PHF21B: variants seen among roughly 807,000 people sequenced by gnomAD.
PHF21B encodes PHD finger protein 4.
Under a neutral mutation model 62.2 loss-of-function variants are expected in PHF21B, and 22 were observed. The observed-to-expected ratio is 0.35, with a 90% CI of 0.25 to 0.51. PHF21B has a LOEUF of 0.51. Ranked by LOEUF, PHF21B falls within the 20% of genes least tolerant of loss-of-function variation. The pLI is 0.97. For synonymous variants in PHF21B, 341 were observed against 314.7 expected (o/e 1.08, Z -0.88); for missense variants, 701 against 707.9 (o/e 0.99, Z 0.11).
At chr22:44,995,820 C>A (rs937082830) in intron 2 of PHF21B, among the ~76,000 whole-genome samples, 1 of 149,252 alleles carries the variant, frequency 6.7e-6, no homozygotes, top group Non-Finnish European at 1.5e-5. Flanking sequence ...CATCCCCCCA[C>A]GTGATTCGGG....
intron 2 of PHF21B, among the ~76,000 whole-genome samples, chr22:44,972,586 G>A (rs915168873): frequency 3.3e-5 from 5 of 152,216 alleles, no homozygotes; most frequent in South Asian, 4.1e-4. Context: ...CACACTGCAC[G>A]CCCTGACATG....
At chr22:44,981,254 G>C (rs886795922) in intron 2 of PHF21B, among the ~76,000 whole-genome samples, 1 of 152,178 alleles carries the variant, frequency 6.6e-6, no homozygotes, top group Non-Finnish European at 1.5e-5. Context: ...TGCCCTAACT[G>C]AGCGGCATGA....
intron 2 of PHF21B, among the ~76,000 whole-genome samples, chr22:44,987,191 T>C (rs977132330): frequency 6.6e-6 from 1 of 152,122 alleles, no homozygotes; most frequent in African/African-American, 2.4e-5. Flanking sequence ...TGCTGTAATA[T>C]TTCCGGTGAA....
intron 2 of PHF21B, among the ~76,000 whole-genome samples, chr22:44,940,728 G>A (rs760121828): frequency 1.3e-5 from 2 of 152,172 alleles, no homozygotes; most frequent in Non-Finnish European, 2.9e-5. Flanking sequence ...GAAGGAAGAG[G>A]CAGACTAACC....
chr22:45,001,879 G>C (rs970958418), intron 2 of PHF21B: 1 of 152,194 alleles, frequency 6.6e-6, no homozygotes, highest in African/African-American at 2.4e-5. Flanking sequence ...CGAGGCCACC[G>C]CCGCTCTCGC....
At chr22:44,997,471 C>T (rs1601694297) in intron 2 of PHF21B, among the ~76,000 whole-genome samples, 1 of 152,120 alleles carries the variant, frequency 6.6e-6, no homozygotes. Flanking sequence ...TTCAATGGGG[C>T]TGTCAACCCA....
chr22:44,904,333 AAC>A (rs2071212508), intron 5 of PHF21B, among the ~76,000 whole-genome samples: 1 of 152,142 alleles, frequency 6.6e-6, no homozygotes. Flanking sequence ...CCTATAATTT[AAC>A]AGTCTATACA....
Position 45,009,659 on chromosome 22 carries a change from G to T in PHF21B, c.-110C>A. ...CGGGCGGACGCGGCCTCCGGGCTGG[G>T]TTGGGGGGGACACGAGCCCCCTCCC... is the stretch of plus-strand genomic sequence containing the variant. On this transcript the variant is annotated 5_prime_UTR_variant, in exon 1 of 13. Transcript: ENST00000313237. This position sits in a 1 kb window ranked among gnomAD's most constrained non-coding sequence, Gnocchi z 5.9. 9.5e-6 allele frequency: 10 copies of T among 1,052,576 alleles called. No homozygotes were observed. The highest frequency in any genetic ancestry group is 3.2e-5 in the East Asian group (1 of 31,626). The allele number at this position is 1,052,576 out of a possible 1,614,324, so 65.2% of individuals were successfully genotyped here.
At chr22:44,885,646 G>A (rs2070844072) in intron 11 of PHF21B, 117 bp from the exon 12 acceptor site, 1 of 1,133,116 alleles carries the variant, frequency 8.8e-7, no homozygotes, top group African/African-American at 1.6e-5. Flanking sequence ...CCCTGAAGAA[G>A]CCAGTGGCTG....
chr22:45,006,023 C>G (rs766990285), intron 2 of PHF21B, among the ~76,000 whole-genome samples: 1 of 152,116 alleles, frequency 6.6e-6, no homozygotes, highest in Non-Finnish European at 1.5e-5. Flanking sequence ...TGCCAATCAC[C>G]ACCAAACTCT....
chr22:44,982,872 G>A lies in PHF21B; in HGVS notation c.120+25673C>T, dbSNP rs995946615. Among the ~76,000 whole-genome samples the A allele has an allele frequency of 3.4e-5, 5 of 145,670 alleles. No individual in the cohort carries two copies. The East Asian group carries it at 6.1e-4, about 18-fold the overall frequency. Reference sequence around the variant, plus strand: ...CAGGAGGAGCCAGAAGAAGGAAGACGTCTGAACTGTGACAAGTTCAAAGCC... The same window carrying A: ...CAGGAGGAGCCAGAAGAAGGAAGACATCTGAACTGTGACAAGTTCAAAGCC... On this transcript the variant is annotated intron_variant, in intron 2 of 12. Transcript: ENST00000313237.
At chr22:44,933,057 GT>G (rs1304725865) in intron 2 of PHF21B, among the ~76,000 whole-genome samples, 1 of 152,104 alleles carries the variant, frequency 6.6e-6, no homozygotes, top group African/African-American at 2.4e-5. Flanking sequence ...CAGACTTCTG[GT>G]TGGATTGGCA....
At chr22:44,951,861 T>C (rs940805545) in intron 2 of PHF21B, among the ~76,000 whole-genome samples, 8 of 152,230 alleles carry the variant, frequency 5.3e-5, no homozygotes, top group Non-Finnish European at 7.3e-5. Context: ...GCTTTGTGCA[T>C]TTCCCATCTC....
chr22:44,896,075 G>A lies in PHF21B; in HGVS notation c.840C>T (p.Ala280=). 1.9e-6 allele frequency: 3 copies of A among 1,614,144 alleles called. No homozygotes were observed. The highest frequency in any genetic ancestry group is 2.5e-6 in the Non-Finnish European group (3 of 1,180,032). ...TAACCAGGCCTAGCGCTACCATGAA[G>A]GCGATTTTCTGAGGGAAGGAACAGA... is the stretch of plus-strand genomic sequence containing the variant. ...PPTQENPEKI[A]FMVALGLVTT... is the part of the protein sequence containing the mutation. The change falls in exon 6 of 13, where the codon GCC becomes GCT. Residue 280 remains alanine (A), a synonymous_variant. Coordinates refer to ENST00000313237, the MANE Select transcript of PHF21B (RefSeq NM_138415.5).
intron 2 of PHF21B, among the ~76,000 whole-genome samples, chr22:44,976,199 A>G (rs1048165128): frequency 3.3e-5 from 5 of 152,372 alleles, no homozygotes; most frequent in Middle Eastern, 3.4e-3. Context: ...TAATTGACAC[A>G]TAACTACATA....
At chr22:44,966,735 G>A (rs944559159) in intron 2 of PHF21B, among the ~76,000 whole-genome samples, 19 of 152,216 alleles carry the variant, frequency 1.2e-4, no homozygotes, top group African/African-American at 4.6e-4. Flanking sequence ...AAGCCATCAA[G>A]ACCAAGAAAA....
chr22:44,971,929 A>AT (rs1474075191), intron 2 of PHF21B, among the ~76,000 whole-genome samples: 2 of 152,232 alleles, frequency 1.3e-5, no homozygotes, highest in East Asian at 3.8e-4. Context: ...TAATAAACAC[A>AT]TAAGAAAACA....
chr22:44,894,152 A>G (rs1459283566), intron 6 of PHF21B, among the ~76,000 whole-genome samples: 2 of 152,160 alleles, frequency 1.3e-5, no homozygotes, highest in Non-Finnish European at 2.9e-5. Context: ...TGCTTTTTAA[A>G]CCTTCTCAAT....
chr22:44,915,573 C>T (rs2147300998), intron 4 of PHF21B, among the ~76,000 whole-genome samples: 1 of 152,328 alleles, frequency 6.6e-6, no homozygotes, highest in East Asian at 1.9e-4. Flanking sequence ...GCACAGGACT[C>T]CCGGGAATGC....
Sources: gnomAD v4.1 joint callset for allele counts (sites outside exome capture counted in the v4.1 genomes callset) on GRCh38, gnomAD v4.1.1 for gene constraint, Gnocchi (gnomAD v3.1) non-coding constraint, MANE v1.5 for transcripts, NCBI Gene and HGNC (gene_info 2026-07-23, HGNC 2026-07-21) for gene names.